GALNT17: variants seen among roughly 807,000 people sequenced by gnomAD.
GALNT17 encodes the protein polypeptide N-acetylgalactosaminyltransferase 17, also known as UDP-GalNAc:polypeptide N-acetylgalactosaminyltransferase-like 3.
A neutral mutation model predicts 63.7 loss-of-function variants in GALNT17; 29 were observed. That is an observed-to-expected ratio of 0.46 (90% CI 0.34 to 0.62). The LOEUF (loss-of-function observed/expected upper bound fraction) is 0.62. GALNT17 is among the 20% of genes least tolerant of loss of function. GALNT17 has a pLI of 0.01. For synonymous variants in GALNT17, 305 were observed against 318.3 expected, an observed-to-expected ratio of 0.96 and a Z score of 0.45; for missense variants, 603 against 799.6, an observed-to-expected ratio of 0.75 and a Z score of 2.97.
At chr7:71,428,768 A>C (rs578182457) in intron 5 of GALNT17, among the ~76,000 whole-genome samples, 10 of 152,176 alleles carry the variant, frequency 6.6e-5, no homozygotes, top group Middle Eastern at 3.2e-3. Context: ...CCAAGTCCAC[A>C]TTCCTTCTGC....
At chr7:71,666,369 T>C (rs1254411276) in intron 7 of GALNT17, among the ~76,000 whole-genome samples, 1 of 148,838 alleles carries the variant, frequency 6.7e-6, no homozygotes, top group Non-Finnish European at 1.5e-5. Flanking sequence ...AATATAAAGA[T>C]TTATATAAAT....
intron 2 of GALNT17, among the ~76,000 whole-genome samples, chr7:71,368,134 CA>C (rs1244792329): frequency 6.6e-6 from 1 of 152,236 alleles, no homozygotes; most frequent in Non-Finnish European, 1.5e-5. Flanking sequence ...AGCGTGCACA[CA>C]CGCATCTTGG....
At chr7:71,465,090 C>A (rs1056406169) in intron 5 of GALNT17, among the ~76,000 whole-genome samples, 1 of 152,100 alleles carries the variant, frequency 6.6e-6, no homozygotes, top group Non-Finnish European at 1.5e-5. Flanking sequence ...GGGTTGAGAT[C>A]AAGAGGTGAC....
At chr7:71,155,631 C>T (rs888469136) in intron 1 of GALNT17, among the ~76,000 whole-genome samples, 2 of 151,064 alleles carry the variant, frequency 1.3e-5, no homozygotes, top group Non-Finnish European at 2.9e-5. Flanking sequence ...TTTTTTGTTG[C>T]CTACTATTGC....
intron 1 of GALNT17, among the ~76,000 whole-genome samples, chr7:71,170,502 AT>A (rs1788528302): frequency 1.3e-5 from 2 of 151,758 alleles, no homozygotes; most frequent in Non-Finnish European, 2.9e-5. Context: ...CCCCTGGCTA[AT>A]TTTTGTATTT....
At chr7:71,454,837 G>A (rs1047930387) in intron 5 of GALNT17, among the ~76,000 whole-genome samples, 2 of 152,050 alleles carry the variant, frequency 1.3e-5, no homozygotes, top group Admixed American at 6.6e-5. Flanking sequence ...CACATCCTCC[G>A]TTGAACTATT....
chr7:71,391,370 C>T (rs1179044125), intron 3 of GALNT17, among the ~76,000 whole-genome samples: 3 of 152,130 alleles, frequency 2.0e-5, no homozygotes, highest in African/African-American at 7.2e-5. Flanking sequence ...GCTCCTTGAC[C>T]GCAGGGATCT....
chr7:71,603,576 A>G (rs1181683333), intron 6 of GALNT17, among the ~76,000 whole-genome samples: 1 of 152,088 alleles, frequency 6.6e-6, no homozygotes, highest in Non-Finnish European at 1.5e-5. Flanking sequence ...TGCTACGTGC[A>G]TATGCTGGAT....
intron 5 of GALNT17, among the ~76,000 whole-genome samples, chr7:71,546,522 G>T (rs1788988524): frequency 6.6e-6 from 1 of 152,156 alleles, no homozygotes; most frequent in Admixed American, 6.5e-5. Context: ...TGTGATTTAT[G>T]ATTAGAGTAG....
At chr7:71,472,407 G>A (rs956085237) in intron 5 of GALNT17, among the ~76,000 whole-genome samples, 1 of 152,158 alleles carries the variant, frequency 6.6e-6, no homozygotes, top group African/African-American at 2.4e-5. Context: ...AGTTATTTAG[G>A]GCTGGGCGCG....
chr7:71,353,567 C>G (rs1019551792), intron 2 of GALNT17, among the ~76,000 whole-genome samples: 1 of 152,052 alleles, frequency 6.6e-6, no homozygotes, highest in Non-Finnish European at 1.5e-5. Flanking sequence ...TTTAAAATGC[C>G]TCTTAATTCA....
At chr7:71,255,287 C>G (rs1217443548) in intron 1 of GALNT17, among the ~76,000 whole-genome samples, 1 of 152,170 alleles carries the variant, frequency 6.6e-6, no homozygotes, top group East Asian at 1.9e-4. Context: ...GTGAATAAGT[C>G]TCATGAGATC....
chr7:71,528,111 C>G (rs1017790523), intron 5 of GALNT17, among the ~76,000 whole-genome samples: 10 of 152,114 alleles, frequency 6.6e-5, no homozygotes, highest in Non-Finnish European at 1.2e-4. Context: ...TTATCGAATG[C>G]CTTTGGTTTT....
intron 1 of GALNT17, among the ~76,000 whole-genome samples, chr7:71,194,432 G>C (rs1295310281): frequency 6.6e-6 from 1 of 152,208 alleles, no homozygotes; most frequent in Non-Finnish European, 1.5e-5. Context: ...AGGGGAGTTA[G>C]AGCATCATGG....
chr7:71,286,990 C>G (rs1790886330), intron 1 of GALNT17, among the ~76,000 whole-genome samples: 1 of 151,952 alleles, frequency 6.6e-6, no homozygotes, highest in Non-Finnish European at 1.5e-5. Context: ...ACACGGAACT[C>G]CCCATGTTGC....
At chr7:71,579,917 G>A (rs1394804388) in intron 6 of GALNT17, among the ~76,000 whole-genome samples, 3 of 152,012 alleles carry the variant, frequency 2.0e-5, no homozygotes, top group African/African-American at 7.2e-5. Context: ...AGATTAGAGA[G>A]AGAAAGATGC....
chr7:71,368,813 CAG>C (rs1313200839), intron 2 of GALNT17, among the ~76,000 whole-genome samples: 2 of 150,550 alleles, frequency 1.3e-5, no homozygotes, highest in Non-Finnish European at 2.9e-5. Context: ...AAGGAAGAAA[CAG>C]ATTTTTAAAC....
At chr7:71,232,844 G>A (rs917209726) in intron 1 of GALNT17, among the ~76,000 whole-genome samples, 1 of 152,146 alleles carries the variant, frequency 6.6e-6, no homozygotes, top group Admixed American at 6.5e-5. Context: ...CTGTCATGGT[G>A]CTGATGGGTG....
At chr7:71,323,007 T>G in intron 1 of GALNT17, among the ~76,000 whole-genome samples, 1 of 152,110 alleles carries the variant, frequency 6.6e-6, no homozygotes, top group Admixed American at 6.6e-5. Flanking sequence ...TTAAGATGGC[T>G]GAAGGAGTGG....
Sources: allele counts gnomAD v4.1 joint callset (sites outside exome capture counted in the v4.1 genomes callset), GRCh38; gene constraint gnomAD v4.1.1; transcripts MANE v1.5; gene names NCBI Gene and HGNC (gene_info 2026-07-23, HGNC 2026-07-21).